ZMYND19: variants seen among roughly 807,000 people sequenced by gnomAD.
ZMYND19 encodes zinc finger MYND-type containing 19.
Under a neutral mutation model 32.0 loss-of-function variants are expected in ZMYND19, and 17 were observed. The observed-to-expected ratio is 0.53, with a 90% CI of 0.36 to 0.80. The LOEUF (loss-of-function observed/expected upper bound fraction) is 0.80. Among genes scored for constraint, ZMYND19 ranks in the 30% least tolerant of loss-of-function variants. The pLI, the probability that ZMYND19 is intolerant of heterozygous loss-of-function variation, is 0.00. For missense variants in ZMYND19, 250 were observed against 293.6 expected (o/e 0.85, Z 1.09); for synonymous variants, 124 against 113.6 (o/e 1.09, Z -0.58).
chr9:137,584,982 A>C (rs1205062044), intron 4 of ZMYND19, among the ~76,000 whole-genome samples: 1 of 152,148 alleles, frequency 6.6e-6, no homozygotes, highest in East Asian at 1.9e-4. Context: ...AGTTCCAACT[A>C]ACATAATCCC....
At chr9:137,589,781 G>C in intron 1 of ZMYND19, 1 of 985,510 alleles carries the variant, frequency 1.0e-6, no homozygotes, top group Non-Finnish European at 1.2e-6. Flanking sequence ...CTCGGCGAGA[G>C]GTGTGGAAGT....
At chr9:137,587,189 G>C (rs1048815965) in intron 3 of ZMYND19, 82 bp from the exon 4 acceptor site, 2 of 1,547,860 alleles carry the variant, frequency 1.3e-6, no homozygotes, top group Non-Finnish European at 1.7e-6. Flanking sequence ...AGGTACCAAA[G>C]TCCTTCCAGG....
intron 4 of ZMYND19, 54 bp downstream of exon 4, chr9:137,586,913 G>C: frequency 6.2e-7 from 1 of 1,605,058 alleles, no homozygotes; most frequent in Non-Finnish European, 8.5e-7. Flanking sequence ...CTTTGGCGGT[G>C]GCCCTCCTCA....
At chr9:137,584,406 C>T (rs946188305) in intron 4 of ZMYND19, among the ~76,000 whole-genome samples, 2 of 152,246 alleles carry the variant, frequency 1.3e-5, no homozygotes, top group Non-Finnish European at 2.9e-5. Context: ...CCTTTCCAAA[C>T]GGCTGTTCTT....
At position 137,582,450 on chromosome 9, in the gene ZMYND19, T is replaced by G; in HGVS notation, c.*93A>C. ...CAGCTGTCCTGGGCCCGCAGCTGGC[T>G]TTTTTGGCACCTCCAGGTTCAACCA... On this transcript the variant is annotated 3_prime_UTR_variant, in exon 6 of 6. Transcript: ENST00000298585. The G allele has an allele frequency of 6.6e-7, 1 of 1,510,558 alleles. No homozygotes were observed. Among genetic ancestry groups the G allele is most frequent in the East Asian group, 2.3e-5 (1 of 43,500 alleles). The allele number at this position is 1,510,558 out of a possible 1,614,324, so 93.6% of individuals were successfully genotyped here. A position where few individuals can be genotyped will look rare whatever the true frequency, so the allele number is the denominator to read the frequency against.
Position 137,590,155 on chromosome 9 carries a change from C to T in ZMYND19, c.51+58G>A, listed in dbSNP as rs898467618. The T allele has an allele frequency of 2.0e-6, 2 of 998,082 alleles. No homozygotes were observed. The highest frequency in any genetic ancestry group is 2.4e-6 in the Non-Finnish European group (2 of 838,838). 61.8% of individuals were successfully genotyped at this position (998,082 alleles called of 1,614,324 possible). A position where few individuals can be genotyped will look rare whatever the true frequency, so the allele number is the denominator to read the frequency against. On this transcript the variant is annotated intron_variant, in intron 1 of 5. Coordinates refer to ENST00000298585, the MANE Select transcript of ZMYND19 (RefSeq NM_138462.3). The surrounding 1 kb of genome is among the most constrained non-coding windows in gnomAD (Gnocchi z 4.2). Reference sequence around the variant, plus strand: ...CGCCGCCCGCACAACCGCCCCCGGCCCCGCGCGGAGGCCTGGACGGGCGAG... The same window carrying T: ...CGCCGCCCGCACAACCGCCCCCGGCTCCGCGCGGAGGCCTGGACGGGCGAG...
chr9:137,587,429 T>C, intron 3 of ZMYND19: 1 of 578,010 alleles, frequency 1.7e-6, no homozygotes, highest in Non-Finnish European at 3.0e-6. Flanking sequence ...GTCCCTACCA[T>C]GCACACCGGG....
Position 137,586,899 on chromosome 9 carries a change from A to T in ZMYND19, c.359+68T>A. 5.7e-6 allele frequency: 9 copies of T among 1,589,338 alleles called. No individual in the cohort carries two copies. In the South Asian group the frequency reaches 1.0e-4, roughly 18 times the overall value. On this transcript the variant is annotated intron_variant, in intron 4 of 5. Coordinates refer to ENST00000298585, the MANE Select transcript of ZMYND19 (RefSeq NM_138462.3). Reference sequence around the variant, plus strand: ...GGAACAGGAGACCCTCTTGGAAACAAGAGCTTTGGCGGTGGCCCTCCTCAA... The same window carrying T: ...GGAACAGGAGACCCTCTTGGAAACATGAGCTTTGGCGGTGGCCCTCCTCAA...
chr9:137,590,138 G>A lies in ZMYND19; in HGVS notation c.51+75C>T. 2.1e-6 allele frequency: 2 copies of A among 946,334 alleles called. No individual in the cohort carries two copies. Among genetic ancestry groups the A allele is most frequent in the Non-Finnish European group, 2.4e-6 (2 of 820,624 alleles). 58.6% of individuals were successfully genotyped at this position (946,334 alleles called of 1,614,324 possible). ...CGCGCCCCCGCCCCGGCCGCCGCCC[G>A]CACAACCGCCCCCGGCCCCGCGCGG... On this transcript the variant is annotated intron_variant, in intron 1 of 5. Coordinates refer to ENST00000298585, the MANE Select transcript of ZMYND19 (RefSeq NM_138462.3). This position sits in a 1 kb window ranked among gnomAD's most constrained non-coding sequence, Gnocchi z 4.2.
At chr9:137,587,992 G>A (rs1370278673) in intron 2 of ZMYND19, among the ~76,000 whole-genome samples, 169 bp from the exon 3 acceptor site, 1 of 152,184 alleles carries the variant, frequency 6.6e-6, no homozygotes, top group African/African-American at 2.4e-5. Flanking sequence ...TGGCTCCCAG[G>A]GGCCAGCGTG....
At chr9:137,588,799 G>A in intron 1 of ZMYND19, 81 bp from the exon 2 acceptor site, 2 of 1,515,072 alleles carry the variant, frequency 1.3e-6, no homozygotes, top group Non-Finnish European at 1.8e-6. Flanking sequence ...GAACAGGCAG[G>A]AGCCTGTTGC....
In ZMYND19 at chr9:137,589,772, T is replaced by C. The variant is rs1029671286; in HGVS notation, c.51+441A>G. On this transcript the variant is annotated intron_variant, in intron 1 of 5. Coordinates refer to ENST00000298585, the MANE Select transcript of ZMYND19 (RefSeq NM_138462.3). ...CAGAAGAGCCCACACCAGACCCGCC[T>C]CGGCGAGAGGTGTGGAAGTGGCGCT... 9.1e-6 allele frequency: 9 copies of C among 985,320 alleles called. No homozygotes were observed. In the African/African-American group the frequency reaches 1.4e-4, roughly 15 times the overall value. 61.0% of individuals were successfully genotyped at this position (985,320 alleles called of 1,614,324 possible).
Position 137,582,632 on chromosome 9 carries a change from G to A in ZMYND19, c.595C>T (p.Gln199Ter). 1 of 1,613,492 alleles carries A rather than the reference G, an allele frequency of 6.2e-7. No homozygotes were observed. Among genetic ancestry groups the A allele is most frequent in the Non-Finnish European group, 8.5e-7 (1 of 1,180,022 alleles). The part of the protein sequence containing the change: ...RCQVARYCGS[Q>*]CQQKDWPAHK... Reference sequence around the variant, plus strand: ...GCAGGCCAGTCCTTCTGCTGGCACTGGGAGCCGCAGTACCGGGCCACCTGG... The same window carrying A: ...GCAGGCCAGTCCTTCTGCTGGCACTAGGAGCCGCAGTACCGGGCCACCTGG... The change falls in exon 6 of 6, where the codon CAG becomes TAG. Residue 199 changes from glutamine (Q) to a stop codon, truncating the protein, a stop_gained. Coordinates refer to ENST00000298585, the MANE Select transcript of ZMYND19 (RefSeq NM_138462.3). LOFTEE classifies it high-confidence loss of function.
At chr9:137,587,564 T>C (rs1842219938) in intron 3 of ZMYND19, 153 bp downstream of exon 3, 2 of 696,416 alleles carry the variant, frequency 2.9e-6, no homozygotes, top group African/African-American at 1.8e-5. Flanking sequence ...ATTCGTTCCT[T>C]TGGGTTAGTG....
At chr9:137,587,581 G>A (rs1195069741) in intron 3 of ZMYND19, 136 bp downstream of exon 3, 3 of 753,156 alleles carry the variant, frequency 4.0e-6, no homozygotes, top group African/African-American at 1.7e-5. Flanking sequence ...AGTGGTGAAG[G>A]ACACAAAAAT....
rs367973846 is a variant in ZMYND19 at position 137,582,590 on chromosome 9, G to A, written c.637C>T (p.Arg213Trp). 9 of 1,613,500 alleles carry A rather than the reference G, an allele frequency of 5.6e-6. No individual in the cohort carries two copies. The highest frequency in any genetic ancestry group is 3.4e-6 in the Non-Finnish European group (4 of 1,180,026). The part of the protein sequence containing the change: ...KDWPAHKKHC[R>W]ERKRPFQHEL... Reference sequence around the variant, plus strand: ...TGCTGGAAGGGACGCTTCCTCTCCCGACAGTGCTTCTTGTGGGCAGGCCAG... The same window carrying A: ...TGCTGGAAGGGACGCTTCCTCTCCCAACAGTGCTTCTTGTGGGCAGGCCAG... The change falls in exon 6 of 6, where the codon CGG becomes TGG. Residue 213 changes from arginine to tryptophan, a missense_variant. Arg to Trp is a moderately radical substitution (Grantham distance 101). Coordinates refer to ENST00000298585, the MANE Select transcript of ZMYND19 (RefSeq NM_138462.3).
In ZMYND19 at chr9:137,586,984, C is replaced by A. The variant is rs1241949151; in HGVS notation, c.342G>T (p.Glu114Asp). ...VPWGWRPKAE[E>D]TSSKQREQSL... ...AGACCCACCTCTGCTTGCTGGAGGT[C>A]TCTTCAGCCTTGGGCCGCCAGCCCC... The change falls in exon 4 of 6, where the codon GAG becomes GAT. Residue 114 changes from glutamate to aspartate, a missense_variant. By Grantham distance (45) the Glu-to-Asp change is conservative. Around this residue, in one of 2 missense-constraint regions of ZMYND19, gnomAD observed 212 missense variants for 218.8 expected, o/e 0.97. Transcript: ENST00000298585. 2 of 1,612,302 alleles carry A rather than the reference C, an allele frequency of 1.2e-6. No individual in the cohort carries two copies. The highest frequency in any genetic ancestry group is 1.1e-5 in the South Asian group (1 of 91,092).
intron 4 of ZMYND19, among the ~76,000 whole-genome samples, chr9:137,583,394 C>A (rs964859854): frequency 1.3e-5 from 2 of 152,230 alleles, no homozygotes; most frequent in African/African-American, 4.8e-5. Context: ...CTCTCCCCAG[C>A]ACCTGGGACT....
rs1241363537 is a variant in ZMYND19 at position 137,590,207 on chromosome 9, G to T, written c.51+6C>A. The T allele has an allele frequency of 9.0e-7, 1 of 1,116,106 alleles. No homozygotes were observed. The highest frequency in any genetic ancestry group is 1.7e-5 in the African/African-American group (1 of 58,896). 69.1% of individuals were successfully genotyped at this position (1,116,106 alleles called of 1,614,324 possible). On this transcript the variant is annotated splice_donor_region_variant and intron_variant, in intron 1 of 5. Transcript: ENST00000298585. This position sits in a 1 kb window ranked among gnomAD's most constrained non-coding sequence, Gnocchi z 4.2. ...CGGGCCGGGTCGCGGGCTCCGCGCC[G>T]CTCACCTTCCCGGCCACCCGGCCGA... is the stretch of plus-strand genomic sequence containing the variant.
Sources: gnomAD v4.1 joint callset for allele counts (sites outside exome capture counted in the v4.1 genomes callset) on GRCh38, gnomAD v4.1.1 for gene constraint, gnomAD v4.1.1 regional missense constraint, Gnocchi (gnomAD v3.1) non-coding constraint, MANE v1.5 for transcripts, NCBI Gene and HGNC (gene_info 2026-07-23, HGNC 2026-07-21) for gene names.